Variants in PADI1 observed in about 807,000 individuals in gnomAD.
PADI1 encodes the protein peptidyl arginine deiminase 1.
In PADI1, 65 loss-of-function variants were observed where a neutral mutation model predicts 74.8. That is an observed-to-expected ratio of 0.87 (90% CI 0.71 to 1.07). The LOEUF is 1.07. PADI1 is among the 50% of genes least tolerant of loss of function. PADI1 has a pLI of 0.00. For synonymous variants in PADI1, 371 were observed against 336.2 expected (o/e 1.10, Z -1.13); for missense variants, 943 against 854.0 (o/e 1.10, Z -1.30).
At chr1:17,241,845 A>G (rs2072784166) in intron 15 of PADI1, among the ~76,000 whole-genome samples, 1 of 138,470 alleles carries the variant, frequency 7.2e-6, no homozygotes. Context: ...TCGGGATGGA[A>G]TCAGGGTTGG....
At chr1:17,230,884 A>G (rs948232006) in intron 10 of PADI1, among the ~76,000 whole-genome samples, 1 of 152,214 alleles carries the variant, frequency 6.6e-6, no homozygotes, top group Non-Finnish European at 1.5e-5. Flanking sequence ...ACATGCAAAT[A>G]GGCAGCAGCC....
At chr1:17,206,610 T>C (rs1290115786) in intron 1 of PADI1, among the ~76,000 whole-genome samples, 1 of 152,154 alleles carries the variant, frequency 6.6e-6, no homozygotes, top group African/African-American at 2.4e-5. Flanking sequence ...GCTTTTTTAG[T>C]ATATTGCATG....
At chr1:17,222,230 GC>G in intron 1 of PADI1, 59 bp from the exon 2 acceptor site, 1 of 1,317,662 alleles carries the variant, frequency 7.6e-7, no homozygotes, top group Non-Finnish European at 1.1e-6. Flanking sequence ...CCCCACTGTG[GC>G]CACTCCCCTG....
In PADI1 at chr1:17,206,308, T is replaced by G. The variant is rs113570746; in HGVS notation, c.92+999T>G. ...AATGTATGTGGGGCCCAGGGCCAGC[T>G]GCCCACCTGGCCTCTGGTGATCCTC... is the stretch of plus-strand genomic sequence containing the variant. On this transcript the variant is annotated intron_variant, in intron 1 of 15. Coordinates refer to ENST00000375471, the MANE Select transcript of PADI1 (RefSeq NM_013358.3). 2.6e-5 allele frequency among the ~76,000 whole-genome samples: 4 copies of G among 152,356 alleles called. No homozygotes were observed. In the East Asian group the frequency reaches 7.7e-4, roughly 29 times the overall value.
At chr1:17,222,228 T>A in intron 1 of PADI1, 62 bp from the exon 2 acceptor site, 1 of 1,288,002 alleles carries the variant, frequency 7.8e-7, no homozygotes, top group Non-Finnish European at 1.1e-6. Flanking sequence ...CACCCCACTG[T>A]GGCCACTCCC....
intron 11 of PADI1, among the ~76,000 whole-genome samples, chr1:17,236,089 C>T (rs1478691262): frequency 2.0e-5 from 3 of 152,158 alleles, no homozygotes; most frequent in Non-Finnish European, 4.4e-5. Flanking sequence ...TCTACCTGGG[C>T]TCCAAACTCA....
chr1:17,244,273 C>T lies in PADI1; in HGVS notation c.*30C>T, dbSNP rs2072837803. On this transcript the variant is annotated 3_prime_UTR_variant, in exon 16 of 16. Transcript: ENST00000375471. ...GCCCCCACCCGCCATCCTCTCTGCC[C>T]TCTTGCTAGGGAACCCTGCCAGGGT... The T allele has an allele frequency of 2.6e-6, 4 of 1,545,730 alleles. No individual in the cohort carries two copies. Among genetic ancestry groups the T allele is most frequent in the Non-Finnish European group, 3.6e-6 (4 of 1,117,592 alleles).
rs188731125 is a variant in PADI1 at position 17,228,549 on chromosome 1, G to A, written c.653-76G>A. Reference sequence around the variant, plus strand: ...CCAAGCTGCTCTAACCACAAAGGGGGCTCTGTCCTGGATTCCTGGGCTTGC... The same window carrying A: ...CCAAGCTGCTCTAACCACAAAGGGGACTCTGTCCTGGATTCCTGGGCTTGC... On this transcript the variant is annotated intron_variant, in intron 6 of 15. Coordinates refer to ENST00000375471, the MANE Select transcript of PADI1 (RefSeq NM_013358.3). The A allele has an allele frequency of 2.8e-4, 425 of 1,506,316 alleles. 2 individuals carry two copies. The African/African-American group carries it at 4.7e-3, about 17-fold the overall frequency. The allele number at this position is 1,506,316 out of a possible 1,614,324, so 93.3% of individuals were successfully genotyped here.
At chr1:17,227,570 TAAATAAATA>T (rs879793359) in intron 6 of PADI1, among the ~76,000 whole-genome samples, 3,271 of 147,276 alleles carry the variant, frequency 0.022, 73 homozygotes, top group Middle Eastern at 0.12. Flanking sequence ...AATAAATAAA[TAAATAAATA>T]AATTACCACT....
At chr1:17,239,439 C>T (rs983791325) in intron 13 of PADI1, among the ~76,000 whole-genome samples, 21 of 152,294 alleles carry the variant, frequency 1.4e-4, no homozygotes, top group African/African-American at 4.6e-4. Flanking sequence ...GCATGGCAGA[C>T]ATTCAATAAT....
At chr1:17,238,776 C>A in intron 13 of PADI1, 67 bp downstream of exon 13, 1 of 739,318 alleles carries the variant, frequency 1.4e-6, no homozygotes. Context: ...TGGGTACAGC[C>A]CCTGCACCTG....
rs751022718 is a variant in PADI1, at chr1:17,226,021, C to T, written c.527-12C>T. ...GGAGAAAGGGCGATCTCAAGAGGGC[C>T]ACTCTCTCCAGACCTGCAGGACATG... On this transcript the variant is annotated splice_polypyrimidine_tract_variant and intron_variant, in intron 5 of 15. Transcript: ENST00000375471. The T allele has an allele frequency of 1.4e-5, 23 of 1,613,802 alleles. No homozygotes were observed. In the South Asian group the frequency reaches 2.4e-4, roughly 17 times the overall value.
intron 15 of PADI1, among the ~76,000 whole-genome samples, chr1:17,243,608 T>A (rs914027776): frequency 6.6e-6 from 1 of 152,234 alleles, no homozygotes; most frequent in African/African-American, 2.4e-5. Context: ...TTGGAAGACA[T>A]CCACACCACA....
Position 17,227,245 on chromosome 1 carries a change from A to AG in PADI1, c.652+1087_652+1088insG, listed in dbSNP as rs1383445185. Among the ~76,000 whole-genome samples the AG allele has an allele frequency of 4.2e-3, 640 of 150,944 alleles. 5 individuals carry two copies. The highest frequency in any genetic ancestry group is 0.015 in the African/African-American group (617 of 41,082). The stretch of plus-strand genomic sequence containing the variant: ...TGCAAGACTTCATCTCAAAAAAAAA[A>AG]AAAAAGAAAAAGAAAAAATTGGCCG... On this transcript the variant is annotated intron_variant, in intron 6 of 15. Transcript: ENST00000375471.
At chr1:17,238,504 T>A in intron 12 of PADI1, 112 bp from the exon 13 acceptor site, 1 of 448,102 alleles carries the variant, frequency 2.2e-6, no homozygotes, top group East Asian at 3.6e-5. Context: ...GTAGACCGAG[T>A]GGGAGAGGGG....
rs951871212 is a variant in PADI1 at position 17,245,318 on chromosome 1, G to A, written c.*1075G>A. 3 of 152,630 alleles carry A rather than the reference G, an allele frequency of 2.0e-5. No individual in the cohort carries two copies. Among genetic ancestry groups the A allele is most frequent in the African/African-American group, 4.8e-5 (2 of 41,418 alleles). The allele number at this position is 152,630 out of a possible 1,614,324, so 9.5% of individuals were successfully genotyped here. A position where few individuals can be genotyped will look rare whatever the true frequency, so the allele number is the denominator to read the frequency against. ...CCCAGGGACCCTGCACATAGCTTAG[G>A]TTTCATCCCTGAATAAACCGCTGTG... is the stretch of plus-strand genomic sequence containing the variant. On this transcript the variant is annotated 3_prime_UTR_variant, in exon 16 of 16. Coordinates refer to ENST00000375471, the MANE Select transcript of PADI1 (RefSeq NM_013358.3). The surrounding 1 kb of genome is among the most constrained non-coding windows in gnomAD (Gnocchi z 4.1).
chr1:17,244,233 T>C lies in PADI1; in HGVS notation c.1982T>C (p.Met661Thr), dbSNP rs2072836499. 6.2e-7 allele frequency: 1 copy of C among 1,613,424 alleles called. No individual in the cohort carries two copies. The highest frequency in any genetic ancestry group is 1.3e-5 in the African/African-American group (1 of 75,024). ...CCCTTTCCCTTCAAATGGTGGAACA[T>C]GGTGCCCTGAGCCTGCCCCCACCCG... ...RKPFPFKWWN[M>T]VP Residue 661 changes from methionine to threonine, a missense_variant, in exon 16 of 16, where the codon ATG becomes ACG. Physicochemically the swap from Met to Thr is moderately conservative, Grantham distance 81. Transcript: ENST00000375471.
chr1:17,224,605 C>A (rs2072258132), intron 4 of PADI1, among the ~76,000 whole-genome samples, 177 bp downstream of exon 4: 1 of 152,158 alleles, frequency 6.6e-6, no homozygotes, highest in Non-Finnish European at 1.5e-5. Flanking sequence ...TTAACCTACA[C>A]CCTGTAACCG....
chr1:17,210,945 G>A (rs1273346385), intron 1 of PADI1, among the ~76,000 whole-genome samples: 1 of 152,188 alleles, frequency 6.6e-6, no homozygotes. Flanking sequence ...GCTGGGTTCT[G>A]GCACTCGGTG....
Sources: allele counts gnomAD v4.1 joint callset (sites outside exome capture counted in the v4.1 genomes callset), GRCh38; gene constraint gnomAD v4.1.1; non-coding constraint Gnocchi (gnomAD v3.1); transcripts MANE v1.5; gene names NCBI Gene and HGNC (gene_info 2026-07-23, HGNC 2026-07-21).